COL5A3: variants seen among roughly 807,000 people sequenced by gnomAD.
COL5A3 encodes the protein collagen type V alpha 3 chain.
Under a neutral mutation model 250.0 loss-of-function variants are expected in COL5A3, and 172 were observed. The observed-to-expected ratio is 0.69, with a 90% CI of 0.61 to 0.78. The LOEUF (loss-of-function observed/expected upper bound fraction) is 0.78, where lower values mean the gene tolerates loss of function less well. Ranked by LOEUF, COL5A3 falls within the 30% of genes least tolerant of loss-of-function variation. COL5A3 has a pLI of 0.00. For missense variants in COL5A3, 2,340 were observed against 2,334.4 expected (o/e 1.00, Z -0.05); for synonymous variants, 937 against 900.4 (o/e 1.04, Z -0.73).
At chr19:9,978,817 C>T (rs1383951971) in intron 40 of COL5A3, 74 bp downstream of exon 40, 7 of 1,087,000 alleles carry the variant, frequency 6.4e-6, no homozygotes, top group Non-Finnish European at 8.8e-6. Context: ...AAATGCTATT[C>T]CCCATCCCTC....
rs781738983 is a variant in COL5A3 at position 9,972,967 on chromosome 19, G to C, written c.3726C>G (p.Pro1242=). Residue 1242 remains proline (P), a synonymous_variant, in exon 51 of 67, where the codon CCC becomes CCG. Coordinates refer to ENST00000264828, the MANE Select transcript of COL5A3 (RefSeq NM_015719.4). ...CTCCAGGGGGACCTTTCTTGCCTGG[G>C]GGTCCAGCAGCTCCAGATGGGCCTG... is the stretch of plus-strand genomic sequence containing the variant. ...GDSGPSGAAG[P]PGKKGPPGED... is the part of the protein sequence containing the mutation. 1 of 1,611,840 alleles carries C rather than the reference G, an allele frequency of 6.2e-7. No individual in the cohort carries two copies. Among genetic ancestry groups the C allele is most frequent in the Non-Finnish European group, 8.5e-7 (1 of 1,179,200 alleles).
intron 1 of COL5A3, among the ~76,000 whole-genome samples, chr19:10,008,546 C>T (rs527375504): frequency 6.6e-6 from 1 of 152,188 alleles, no homozygotes; most frequent in Admixed American, 6.5e-5. Flanking sequence ...TGTGGAGGGA[C>T]AGAGGCGGGG....
At chr19:9,996,797 G>C in intron 11 of COL5A3, 108 bp from the exon 12 acceptor site, 18 of 739,734 alleles carry the variant, frequency 2.4e-5, no homozygotes, top group Non-Finnish European at 3.2e-5. Flanking sequence ...GAGAGGGAGA[G>C]ATGGAGAGAG....
In COL5A3 at chr19:10,005,646, G is replaced by A. The variant is rs2087430749; in HGVS notation, c.506C>T (p.Pro169Leu). 6.2e-7 allele frequency: 1 copy of A among 1,614,078 alleles called. No homozygotes were observed. Among genetic ancestry groups the A allele is most frequent in the African/African-American group, 1.3e-5 (1 of 75,044 alleles). ...VTLVADCEAQ[P>L]PVLGHGPRFI... ...GCGGGGGCCATGGCCCAAAACAGGGGGCTGAGCTTCACAGTCAGCTACCAG... is the reference window on the plus strand; with the variant it reads ...GCGGGGGCCATGGCCCAAAACAGGGAGCTGAGCTTCACAGTCAGCTACCAG... Residue 169 changes from proline (P) to leucine (L), a missense_variant, in exon 4 of 67, where the codon CCC becomes CTC. Physicochemically the swap from Pro to Leu is moderately conservative, Grantham distance 98. This residue lies in a region of COL5A3 where 1,152 missense variants were observed against 1,146.3 expected (regional missense o/e 1.00). Coordinates refer to ENST00000264828, the MANE Select transcript of COL5A3 (RefSeq NM_015719.4).
chr19:9,967,974 G>A, intron 60 of COL5A3, 35 bp from the exon 61 acceptor site: 1 of 1,606,624 alleles, frequency 6.2e-7, no homozygotes, highest in Non-Finnish European at 8.5e-7. Context: ...TGAGGTCCTG[G>A]CCTGGACCAC....
intron 54 of COL5A3, among the ~76,000 whole-genome samples, chr19:9,970,396 T>G (rs1599533719): frequency 6.0e-5 from 3 of 50,356 alleles, no homozygotes; most frequent in Admixed American, 2.7e-4. Flanking sequence ...GTGGGGTGAG[T>G]GGGGTCTGTG....
intron 4 of COL5A3, 97 bp downstream of exon 4, chr19:10,005,461 G>T: frequency 7.8e-7 from 1 of 1,287,346 alleles, no homozygotes; most frequent in Non-Finnish European, 1.1e-6. Context: ...ATAGATTGAA[G>T]CTTGACATCT....
rs557293741 is a variant in COL5A3 at position 9,971,138 on chromosome 19, T to C, written c.3828+67A>G. 194 of 1,415,644 alleles carry C rather than the reference T, an allele frequency of 1.4e-4. 2 individuals carry two copies. The South Asian group carries it at 2.3e-3, about 17-fold the overall frequency. The allele number at this position is 1,415,644 out of a possible 1,614,324, so 87.7% of individuals were successfully genotyped here. ...TGGTTCCACTGTCAGTGCCCAGGTC[T>C]GTGGGGGTAGGGAGATGGGGACAGA... is the stretch of plus-strand genomic sequence containing the variant. On this transcript the variant is annotated intron_variant, in intron 52 of 66. Transcript: ENST00000264828.
At chr19:9,994,592 A>ACG (rs2087243630) in intron 16 of COL5A3, among the ~76,000 whole-genome samples, 1 of 127,054 alleles carries the variant, frequency 7.9e-6, no homozygotes, top group African/African-American at 2.8e-5. Flanking sequence ...ATATATATAT[A>ACG]TATATATATA....
Position 9,980,859 on chromosome 19 carries a change from C to A in COL5A3, c.2506G>T (p.Gly836Cys), listed in dbSNP as rs1476675642. 1.9e-6 allele frequency: 3 copies of A among 1,607,908 alleles called. No individual in the cohort carries two copies. In the Admixed American group the frequency reaches 5.1e-5, roughly 27 times the overall value. ...GGTTGCCCCCTCTCTCCACGGGAAC[C>A]CTGAACAAAAAAAAAAGGCAAAGAT... ...PGLEGERGPPGSRGERGQPGA... is the reference protein window; with the variant it reads ...PGLEGERGPPCSRGERGQPGA... Residue 836 changes from glycine to cysteine, a missense_variant and splice_region_variant, in exon 34 of 67, where the codon GGT becomes TGT. Physicochemically the swap from Gly to Cys is radical, Grantham distance 159 (BLOSUM62 -3). This residue lies in a region of COL5A3 where 1,152 missense variants were observed against 1,146.3 expected (regional missense o/e 1.00). Coordinates refer to ENST00000264828, the MANE Select transcript of COL5A3 (RefSeq NM_015719.4).
chr19:10,009,130 T>G lies in COL5A3; in HGVS notation c.88+1168A>C, dbSNP rs532265652. ...GGGATTAACCATATGGACAGGCACC[T>G]TCCTGGACTCCAAAGTAAGAAGTGT... On this transcript the variant is annotated intron_variant, in intron 1 of 66. Coordinates refer to ENST00000264828, the MANE Select transcript of COL5A3 (RefSeq NM_015719.4). The surrounding 1 kb of genome is among the most constrained non-coding windows in gnomAD (Gnocchi z 4.4). Among the ~76,000 whole-genome samples, 13 of 150,372 alleles carry G rather than the reference T, an allele frequency of 8.6e-5. No individual in the cohort carries two copies. The South Asian group carries it at 2.8e-3, about 32-fold the overall frequency.
In COL5A3 at chr19:10,004,159, G is replaced by T. The variant is rs146657484; in HGVS notation, c.595-14C>A. ...CTGAATGTCTCCCTGGGGGTTGGGG[G>T]TGTAGGAGTCAAGGAGGGCAGCCAT... is the stretch of plus-strand genomic sequence containing the variant. On this transcript the variant is annotated splice_polypyrimidine_tract_variant and intron_variant, in intron 4 of 66. Transcript: ENST00000264828. The T allele has an allele frequency of 8.7e-6, 14 of 1,601,508 alleles. No homozygotes were observed. The highest frequency in any genetic ancestry group is 3.4e-4 in the Middle Eastern group (2 of 5,926).
rs1424808263 is a variant in COL5A3 at position 9,974,304 on chromosome 19, C to A, written c.3447G>T (p.Leu1149=). 2 of 1,610,640 alleles carry A rather than the reference C, an allele frequency of 1.2e-6. No homozygotes were observed. The highest frequency in any genetic ancestry group is 1.7e-5 in the Admixed American group (1 of 59,670). ...GFVGVIGPPG[L]QGLPGPPGEK... is the part of the protein sequence containing the mutation. ...ACCCCCAAACCCAGACACCCACCTG[C>A]AGTCCAGGAGGGCCAATCACCCCCA... is the stretch of plus-strand genomic sequence containing the variant. Residue 1149 remains leucine, a synonymous_variant, in exon 46 of 67, where the codon CTG becomes CTT. Coordinates refer to ENST00000264828, the MANE Select transcript of COL5A3 (RefSeq NM_015719.4).
intron 63 of COL5A3, 26 bp downstream of exon 63, chr19:9,966,510 C>G (rs759215406): frequency 9.4e-5 from 145 of 1,547,996 alleles, no homozygotes; most frequent in Non-Finnish European, 1.2e-4. Context: ...TCCGCCCATC[C>G]AAGTGGCGGG....
chr19:10,001,957 C>A (rs2087370280), intron 6 of COL5A3, 76 bp from the exon 7 acceptor site: 2 of 1,007,694 alleles, frequency 2.0e-6, no homozygotes, highest in Non-Finnish European at 1.5e-6. Flanking sequence ...CTCCCACTGT[C>A]CCCAGGAGCT....
chr19:10,010,403 G>T lies in COL5A3; in HGVS notation c.-18C>A. 1 of 1,403,916 alleles carries T rather than the reference G, an allele frequency of 7.1e-7. No homozygotes were observed. Among genetic ancestry groups the T allele is most frequent in the South Asian group, 1.6e-5 (1 of 62,108 alleles). 87.0% of individuals were successfully genotyped at this position (1,403,916 alleles called of 1,614,324 possible). A position where few individuals can be genotyped will look rare whatever the true frequency, so the allele number is the denominator to read the frequency against. ...TTCCCCATCCCGGCGGGGCCCACGG[G>T]CAAGGCGGGGAACCAGTCGGGGCGG... is the stretch of plus-strand genomic sequence containing the variant. On this transcript the variant is annotated 5_prime_UTR_variant, in exon 1 of 67. Coordinates refer to ENST00000264828, the MANE Select transcript of COL5A3 (RefSeq NM_015719.4).
chr19:9,966,032 A>G (rs943714201), intron 64 of COL5A3, among the ~76,000 whole-genome samples: 3 of 151,320 alleles, frequency 2.0e-5, no homozygotes, highest in Non-Finnish European at 2.9e-5. Context: ...GGGTTTTGCT[A>G]TGTTGCTCAG....
chr19:9,997,260 C>A (rs988215485), intron 11 of COL5A3, 111 bp downstream of exon 11: 1 of 811,604 alleles, frequency 1.2e-6, no homozygotes, highest in Non-Finnish European at 2.1e-6. Flanking sequence ...GTGCCAGCCC[C>A]GGGATGGTGT....
At chr19:9,979,294 G>T in intron 38 of COL5A3, 55 bp from the exon 39 acceptor site, 1 of 1,602,024 alleles carries the variant, frequency 6.2e-7, no homozygotes, top group Non-Finnish European at 8.6e-7. Flanking sequence ...AGTCGCTCAG[G>T]AGTCCAGCTT....
Sources: gnomAD v4.1 joint callset for allele counts (sites outside exome capture counted in the v4.1 genomes callset) on GRCh38, gnomAD v4.1.1 for gene constraint, gnomAD v4.1.1 regional missense constraint, Gnocchi (gnomAD v3.1) non-coding constraint, MANE v1.5 for transcripts, NCBI Gene and HGNC (gene_info 2026-07-23, HGNC 2026-07-21) for gene names.